NELL1: variants seen among roughly 807,000 people sequenced by gnomAD.
The protein encoded by NELL1 is neural EGFL like 1.
In NELL1, 76 loss-of-function variants were observed where a neutral mutation model predicts 107.4. The ratio of observed to expected loss-of-function variants is 0.71; its 90% CI spans 0.59 to 0.86. The LOEUF is 0.86. Among genes scored for constraint, NELL1 ranks in the 40% least tolerant of loss-of-function variants. The probability of loss-of-function intolerance (pLI) is 0.00; values close to 1 mark genes in which losing one functional copy is unlikely to be tolerated. For missense variants in NELL1, 1,024 were observed against 1,005.5 expected (o/e 1.02, Z -0.25); for synonymous variants, 353 against 341.2 (o/e 1.03, Z -0.38).
intron 5 of NELL1, among the ~76,000 whole-genome samples, chr11:20,912,378 A>T (rs1170023236): frequency 6.6e-6 from 1 of 152,130 alleles, no homozygotes; most frequent in Non-Finnish European, 1.5e-5. Context: ...GCTTATCTGA[A>T]TCTTCTGATT....
intron 14 of NELL1, among the ~76,000 whole-genome samples, chr11:21,269,409 G>C (rs1019732973): frequency 6.7e-6 from 1 of 149,842 alleles, no homozygotes; most frequent in Non-Finnish European, 1.5e-5. Context: ...TATCCTATTC[G>C]AACTGCAGAA....
intron 15 of NELL1, among the ~76,000 whole-genome samples, chr11:21,382,349 C>T (rs971927248): frequency 2.6e-5 from 4 of 151,934 alleles, no homozygotes; most frequent in African/African-American, 9.7e-5. Context: ...TCCTTAACAA[C>T]TATTACATTA....
intron 15 of NELL1, among the ~76,000 whole-genome samples, chr11:21,501,572 A>C (rs1855143157): frequency 6.6e-6 from 1 of 152,184 alleles, no homozygotes; most frequent in Non-Finnish European, 1.5e-5. Context: ...CTGGACAAAG[A>C]AATGTACAAT....
At chr11:20,820,033 A>G (rs898888316) in intron 3 of NELL1, among the ~76,000 whole-genome samples, 3 of 152,186 alleles carry the variant, frequency 2.0e-5, no homozygotes, top group African/African-American at 4.8e-5. Context: ...TGTAGTGACA[A>G]TGGAACTTGG....
At chr11:20,997,717 G>A (rs1170442015) in intron 12 of NELL1, among the ~76,000 whole-genome samples, 10 of 152,280 alleles carry the variant, frequency 6.6e-5, no homozygotes, top group East Asian at 1.9e-4. Context: ...GATCAGGCAC[G>A]GTGGCTTACG....
Position 21,574,983 on chromosome 11 carries a change from CTGT to C in NELL1, c.2399_2401del (p.Cys800del). 1 of 1,611,020 alleles carries C rather than the reference CTGT, an allele frequency of 6.2e-7. No homozygotes were observed. Reference sequence around the variant, plus strand: ...TCTTTGATGTACAGAATGGAAGAGTCTGTTGTTCTGTGGATTTTGAGTGTCTTC... The same window carrying C: ...TCTTTGATGTACAGAATGGAAGAGTCTGTTCTGTGGATTTTGAGTGTCTTC... On this transcript the variant is annotated inframe_deletion, in exon 20 of 20. Transcript: ENST00000357134.
intron 16 of NELL1, among the ~76,000 whole-genome samples, chr11:21,536,642 T>A (rs989336323): frequency 2.0e-5 from 3 of 152,178 alleles, no homozygotes; most frequent in African/African-American, 4.8e-5. Flanking sequence ...TTCTGTTTCT[T>A]CAGTGAGGCC....
At chr11:21,281,571 A>G (rs1344845148) in intron 14 of NELL1, among the ~76,000 whole-genome samples, 3 of 152,096 alleles carry the variant, frequency 2.0e-5, no homozygotes, top group Non-Finnish European at 4.4e-5. Context: ...GGGGGTAGCC[A>G]GTTAGTGGTT....
intron 14 of NELL1, among the ~76,000 whole-genome samples, chr11:21,229,975 C>T (rs1049082112): frequency 1.3e-5 from 2 of 152,156 alleles, no homozygotes; most frequent in African/African-American, 4.8e-5. Flanking sequence ...TGGTCCCTGG[C>T]TCCTCACAGC....
intron 2 of NELL1, among the ~76,000 whole-genome samples, chr11:20,722,989 A>T (rs944912997): frequency 1.3e-5 from 2 of 152,096 alleles, no homozygotes; most frequent in Non-Finnish European, 2.9e-5. Flanking sequence ...GAATGAGGAA[A>T]CGCCACACTT....
At chr11:21,537,404 C>T (rs2133974328) in intron 16 of NELL1, among the ~76,000 whole-genome samples, 1 of 152,164 alleles carries the variant, frequency 6.6e-6, no homozygotes, top group African/African-American at 2.4e-5. Context: ...TGACAAAAAG[C>T]TCATTCCAAT....
At chr11:20,791,563 ATT>A (rs1857074103) in intron 3 of NELL1, among the ~76,000 whole-genome samples, 1 of 152,102 alleles carries the variant, frequency 6.6e-6, no homozygotes, top group Non-Finnish European at 1.5e-5. Flanking sequence ...CTGTTAGTTC[ATT>A]TTTATACCAA....
chr11:21,005,583 C>A (rs530555813), intron 12 of NELL1, among the ~76,000 whole-genome samples: 1 of 152,168 alleles, frequency 6.6e-6, no homozygotes, highest in Non-Finnish European at 1.5e-5. Flanking sequence ...TATTTCCAAT[C>A]TCTTCTCTTG....
At chr11:20,755,865 GTTTTTTTTTTTT>G (rs574606148) in intron 2 of NELL1, among the ~76,000 whole-genome samples, 87,372 of 122,602 alleles carry the variant, frequency 0.71, 32,267 homozygotes, top group Middle Eastern at 0.87. Flanking sequence ...CAGACCTGCG[GTTTTTTTTTTTT>G]TTTTTTTTTT....
At chr11:21,440,584 C>T (rs551122792) in intron 15 of NELL1, among the ~76,000 whole-genome samples, 4 of 152,074 alleles carry the variant, frequency 2.6e-5, no homozygotes, top group African/African-American at 9.7e-5. Flanking sequence ...TTAGCCAAGG[C>T]ATTAATATAA....
Position 21,534,520 on chromosome 11 carries a change from C to G in NELL1, c.1786+6C>G, listed in dbSNP as rs1349514233. On this transcript the variant is annotated splice_donor_region_variant and intron_variant, in intron 16 of 19. Coordinates refer to ENST00000357134, the MANE Select transcript of NELL1 (RefSeq NM_006157.5). ...GTCCGGGGAGTCCTGTATTGGTAAG[C>G]AGCTTTCAGGCATGCCCTCCAACTG... The G allele has an allele frequency of 1.2e-6, 2 of 1,613,590 alleles. No individual in the cohort carries two copies. The highest frequency in any genetic ancestry group is 2.2e-5 in the South Asian group (2 of 91,066).
At chr11:20,773,478 A>T (rs1477530059) in intron 2 of NELL1, 2 of 151,854 alleles carry the variant, frequency 1.3e-5, no homozygotes, top group Non-Finnish European at 2.9e-5. Context: ...ACTTGATAAG[A>T]TGTGAAATTG....
chr11:21,437,579 G>A (rs181509820), intron 15 of NELL1, among the ~76,000 whole-genome samples: 4 of 152,232 alleles, frequency 2.6e-5, no homozygotes, highest in African/African-American at 7.2e-5. Context: ...CTCTGGTCTC[G>A]AACTCCCGAC....
rs540713028 is a variant in NELL1, at chr11:21,433,223, G to A, written c.1645+62275G>A. On this transcript the variant is annotated intron_variant, in intron 15 of 19. Coordinates refer to ENST00000357134, the MANE Select transcript of NELL1 (RefSeq NM_006157.5). ...CAAATGACAGGATTTCATTGTTATG[G>A]CTAAATAGTATTCCATTGTGTATAT... Among the ~76,000 whole-genome samples, 39 of 152,182 alleles carry A rather than the reference G, an allele frequency of 2.6e-4. No homozygotes were observed. The South Asian group carries it at 8.1e-3, about 32-fold the overall frequency.
Sources: gnomAD v4.1 joint callset for allele counts (sites outside exome capture counted in the v4.1 genomes callset) on GRCh38, gnomAD v4.1.1 for gene constraint, MANE v1.5 for transcripts, NCBI Gene and HGNC (gene_info 2026-07-23, HGNC 2026-07-21) for gene names.